SYT14: variants seen among roughly 807,000 people sequenced by gnomAD.
SYT14 encodes the protein synaptotagmin-14.
In SYT14, 32 loss-of-function variants were observed where a neutral mutation model predicts 74.2. That is an observed-to-expected ratio of 0.43 (90% CI 0.33 to 0.58). The LOEUF (loss-of-function observed/expected upper bound fraction) is 0.58, where lower values mean the gene tolerates loss of function less well. Ranked by LOEUF, SYT14 falls within the 20% of genes least tolerant of loss-of-function variation. The probability of loss-of-function intolerance (pLI) is 0.05; values close to 1 mark genes in which losing one functional copy is unlikely to be tolerated. For missense variants in SYT14, 791 were observed against 981.8 expected (o/e 0.81, Z 2.60); for synonymous variants, 298 against 337.7 (o/e 0.88, Z 1.29).
intron 5 of SYT14, among the ~76,000 whole-genome samples, chr1:210,023,926 TAGAG>T (rs1388744090): frequency 6.6e-6 from 1 of 152,166 alleles, no homozygotes; most frequent in East Asian, 1.9e-4. Context: ...ATTTCAGGGA[TAGAG>T]AGAAATCCAC....
chr1:210,084,871 CA>C (rs2081690742), intron 5 of SYT14, among the ~76,000 whole-genome samples: 1 of 152,194 alleles, frequency 6.6e-6, no homozygotes, highest in South Asian at 2.1e-4. Flanking sequence ...CTAATTTTTG[CA>C]GTAGCCAAAC....
intron 8 of SYT14, 119 bp downstream of exon 7, chr1:210,156,029 C>T: frequency 3.2e-6 from 3 of 923,752 alleles, no homozygotes; most frequent in Middle Eastern, 2.5e-4. Flanking sequence ...GTGTAATCAT[C>T]AGCTAATCTG....
chr1:210,112,802 C>A (rs2082288505), intron 7 of SYT14, among the ~76,000 whole-genome samples: 2 of 151,206 alleles, frequency 1.3e-5, no homozygotes, highest in Admixed American at 1.3e-4. Context: ...TATATAACAG[C>A]ATGGTGGTGC....
exon 4 of SYT14, chr1:210,016,323 T>C: frequency 1.6e-6 from 2 of 1,232,116 alleles, no homozygotes; most frequent in Non-Finnish European, 2.0e-6. Flanking sequence ...AAAACTTCAC[T>C]AAAGCAAGAT....
At position 210,142,788 on chromosome 1, in the gene SYT14, C is replaced by T. The variant is rs191143728; in HGVS notation, c.2035-12933C>T. Among the ~76,000 whole-genome samples, 193 of 152,220 alleles carry T rather than the reference C, an allele frequency of 1.3e-3. 2 individuals are homozygous for T. The highest frequency in any genetic ancestry group is 1.6e-3 in the Non-Finnish European group (106 of 68,014). ...CCCCATTTCCCACTGTTTGCATTCA[C>T]GGCAGACTACACAGATAATAGTGTA... is the stretch of plus-strand genomic sequence containing the variant. On this transcript the variant is annotated intron_variant, in intron 7 of 9. Coordinates refer to ENST00000637265, the Ensembl canonical transcript of SYT14.
rs149502374 is a variant in SYT14, at chr1:210,109,308, G to A, written c.2034+8847G>A. Among the ~76,000 whole-genome samples, 667 of 152,180 alleles carry A rather than the reference G, an allele frequency of 4.4e-3. 2 individuals are homozygous for A. The highest frequency in any genetic ancestry group is 0.013 in the African/African-American group (552 of 41,518). On this transcript the variant is annotated intron_variant, in intron 7 of 9. Transcript: ENST00000637265. ...AAAAGGCAGAAAACAGACCGGGCGCGTTGGCTCACACCTGTAATCCTAGCA... is the reference window on the plus strand; with the variant it reads ...AAAAGGCAGAAAACAGACCGGGCGCATTGGCTCACACCTGTAATCCTAGCA...
At chr1:209,958,923 G>A (rs780111365) in intron 2 of SYT14, among the ~76,000 whole-genome samples, 43 of 151,988 alleles carry the variant, frequency 2.8e-4, no homozygotes, top group Non-Finnish European at 5.6e-4. Context: ...AACAAGTGTT[G>A]GCGAGGATGT....
chr1:210,167,871 C>T (rs2083472245), exon 10 of SYT14: 1 of 152,086 alleles, frequency 6.6e-6, no homozygotes, highest in African/African-American at 2.4e-5. Flanking sequence ...CACTCTTATT[C>T]ATATACACTC....
At chr1:210,054,176 A>G (rs930118267) in intron 5 of SYT14, among the ~76,000 whole-genome samples, 3 of 152,044 alleles carry the variant, frequency 2.0e-5, no homozygotes, top group African/African-American at 7.2e-5. Flanking sequence ...TACAACTTTC[A>G]TTGTTGATGC....
intron 2 of SYT14, among the ~76,000 whole-genome samples, chr1:209,979,922 C>T (rs938810726): frequency 1.3e-5 from 2 of 152,204 alleles, no homozygotes; most frequent in African/African-American, 4.8e-5. Flanking sequence ...CATGTGCATG[C>T]ATATGTCTTT....
chr1:210,068,252 G>T (rs72649948), intron 5 of SYT14, among the ~76,000 whole-genome samples: 7,563 of 151,678 alleles, frequency 0.05, 1,034 homozygotes, highest in East Asian at 0.42. Context: ...ATATCCCTTT[G>T]CTAAACTAAC....
intron 2 of SYT14, among the ~76,000 whole-genome samples, chr1:209,986,125 A>G (rs34400113): frequency 0.13 from 20,465 of 152,256 alleles, 4,331 homozygotes; most frequent in African/African-American, 0.45. Flanking sequence ...GCCTGCTTAA[A>G]TTCCTGCCTT....
intron 5 of SYT14, among the ~76,000 whole-genome samples, chr1:210,076,052 A>G (rs2081495023): frequency 6.6e-6 from 1 of 152,168 alleles, no homozygotes; most frequent in Non-Finnish European, 1.5e-5. Flanking sequence ...TCCAACTAAC[A>G]CAGATTTGCT....
chr1:210,108,829 A>T (rs1291731681), intron 7 of SYT14, among the ~76,000 whole-genome samples: 1 of 152,206 alleles, frequency 6.6e-6, no homozygotes, highest in Non-Finnish European at 1.5e-5. Flanking sequence ...AAGGATATCA[A>T]GAAAGAGTTG....
rs182358284 is a variant in SYT14, at chr1:210,115,384, G to A, written c.2034+14923G>A. Among the ~76,000 whole-genome samples, 4 of 151,258 alleles carry A rather than the reference G, an allele frequency of 2.6e-5. No individual in the cohort carries two copies. In the East Asian group the frequency reaches 7.8e-4, roughly 29 times the overall value. ...GGGGTGCTTGCCCCCCAGGAAAGTG[G>A]TGCTTGCCACTAAGGGTGAAGGATC... On this transcript the variant is annotated intron_variant, in intron 7 of 9. Coordinates refer to ENST00000637265, the Ensembl canonical transcript of SYT14.
intron 2 of SYT14, among the ~76,000 whole-genome samples, chr1:209,969,455 A>G (rs2079209943): frequency 6.7e-6 from 1 of 150,290 alleles, no homozygotes; most frequent in Non-Finnish European, 1.5e-5. Flanking sequence ...CTAGTGTGAA[A>G]TGGTATCTCA....
intron 7 of SYT14, among the ~76,000 whole-genome samples, chr1:210,104,880 G>A (rs1384277379): frequency 6.6e-6 from 1 of 151,926 alleles, no homozygotes; most frequent in Non-Finnish European, 1.5e-5. Flanking sequence ...TTAAATCCTT[G>A]GTTTATTTTC....
Position 209,991,630 on chromosome 1 carries a change from A to G in SYT14, c.-485-22003A>G, listed in dbSNP as rs1438500571. 2.0e-5 allele frequency among the ~76,000 whole-genome samples: 3 copies of G among 152,148 alleles called. No individual in the cohort carries two copies. The East Asian group carries it at 5.8e-4, about 29-fold the overall frequency. On this transcript the variant is annotated intron_variant, in intron 2 of 9. Transcript: ENST00000637265. ...AGCTGTTATTAAAAAGTCAAATAAC[A>G]TCTAACCTGGCCAATATAGTGAAAC...
rs149297261 is a variant in SYT14, at chr1:209,956,458, T to A, written c.-486+3702T>A. On this transcript the variant is annotated intron_variant, in intron 2 of 9. Coordinates refer to ENST00000637265, the Ensembl canonical transcript of SYT14. Reference sequence around the variant, plus strand: ...TGGAGGTTACTATGTTCATCTTCATTAAGCAGGGAGTGTGGGGGAAAAAAA... The same window carrying A: ...TGGAGGTTACTATGTTCATCTTCATAAAGCAGGGAGTGTGGGGGAAAAAAA... Among the ~76,000 whole-genome samples the A allele has an allele frequency of 2.5e-3, 376 of 152,256 alleles. 1 individual carries two copies. The highest frequency in any genetic ancestry group is 5.5e-3 in the African/African-American group (230 of 41,556).
Sources: gnomAD v4.1 joint callset for allele counts (sites outside exome capture counted in the v4.1 genomes callset) on GRCh38, gnomAD v4.1.1 for gene constraint, MANE v1.5 for transcripts, NCBI Gene and HGNC (gene_info 2026-07-23, HGNC 2026-07-21) for gene names.